Variants in PDE6A observed in about 807,000 individuals in gnomAD.
PDE6A encodes phosphodiesterase 6A, also known as rod cGMP-specific 3',5'-cyclic phosphodiesterase subunit alpha.
PDE6A carries 84 observed loss-of-function variants against 106.3 expected under a neutral mutation model. That is an observed-to-expected ratio of 0.79 (90% CI 0.66 to 0.95). PDE6A has a LOEUF of 0.95. Among genes scored for constraint, PDE6A ranks in the 40% least tolerant of loss-of-function variants. The pLI is 0.00. For synonymous variants in PDE6A, 394 were observed against 386.6 expected, an observed-to-expected ratio of 1.02 and a Z score of -0.23; for missense variants, 1,052 against 1,084.9, an observed-to-expected ratio of 0.97 and a Z score of 0.43.
intron 7 of PDE6A, among the ~76,000 whole-genome samples, chr5:149,906,783 T>A (rs370455964): frequency 3.7e-4 from 56 of 152,210 alleles, no homozygotes; most frequent in East Asian, 2.9e-3. Flanking sequence ...TATTATTATT[T>A]TTTTTTGAGA....
Position 149,884,577 on chromosome 5 carries a change from G to A in PDE6A, c.1929C>T (p.Ser643=). ...EFGKTLLRDE[S]LNIFQNLNRR... is the part of the protein sequence containing the mutation. ...GATTGAGGTTTTGAAAGATATTCAGGCTCTAAAGAAAAAAAGAGAAGCGAG... is the reference window on the plus strand; with the variant it reads ...GATTGAGGTTTTGAAAGATATTCAGACTCTAAAGAAAAAAAGAGAAGCGAG... The change falls in exon 16 of 22, where the codon AGC becomes AGT. Residue 643 remains serine, a splice_region_variant and synonymous_variant. Transcript: ENST00000255266. 6.2e-7 allele frequency: 1 copy of A among 1,612,224 alleles called. No individual in the cohort carries two copies. The highest frequency in any genetic ancestry group is 8.5e-7 in the Non-Finnish European group (1 of 1,178,388).
At chr5:149,877,760 T>G (rs910902402) in intron 17 of PDE6A, among the ~76,000 whole-genome samples, 1 of 152,202 alleles carries the variant, frequency 6.6e-6, no homozygotes, top group Non-Finnish European at 1.5e-5. Flanking sequence ...ACACCACCAG[T>G]ATGGTGGACT....
intron 17 of PDE6A, among the ~76,000 whole-genome samples, chr5:149,876,349 C>A (rs1307924262): frequency 2.5e-5 from 3 of 120,118 alleles, no homozygotes; most frequent in African/African-American, 6.2e-5. Flanking sequence ...CATTTTTCCT[C>A]TTTTTTTTTT....
intron 17 of PDE6A, among the ~76,000 whole-genome samples, chr5:149,882,087 T>A (rs953327907): frequency 7.5e-6 from 1 of 132,734 alleles, no homozygotes; most frequent in African/African-American, 2.5e-5. Flanking sequence ...AATAAATAAA[T>A]AAATAAAATG....
chr5:149,892,493 CT>C (rs56059807), intron 13 of PDE6A, among the ~76,000 whole-genome samples: 6,975 of 135,378 alleles, frequency 0.052, 478 homozygotes, highest in African/African-American at 0.17. Flanking sequence ...CTTTTCTTTC[CT>C]TTTTTTTTTT....
At chr5:149,912,102 C>G (rs1753406113) in intron 6 of PDE6A, among the ~76,000 whole-genome samples, 1 of 151,876 alleles carries the variant, frequency 6.6e-6, no homozygotes, top group Non-Finnish European at 1.5e-5. Flanking sequence ...TTCTTCTCTC[C>G]TTCTTTCTCC....
chr5:149,911,842 C>CAAAAAAAAAAAAA (rs11430549), intron 6 of PDE6A, among the ~76,000 whole-genome samples: 1 of 66,114 alleles, frequency 1.5e-5, no homozygotes, highest in Non-Finnish European at 2.8e-5. Flanking sequence ...TCTCTATTAC[C>CAAAAAAAAAAAAA]AAAAAAAAAA....
chr5:149,889,718 C>T (rs1055047094), intron 13 of PDE6A, among the ~76,000 whole-genome samples: 31 of 152,078 alleles, frequency 2.0e-4, no homozygotes, highest in Admixed American at 1.4e-3. Flanking sequence ...TCAGCCTCGG[C>T]AACATGGTGA....
chr5:149,905,774 G>A (rs1432749789), intron 7 of PDE6A, among the ~76,000 whole-genome samples: 2 of 152,184 alleles, frequency 1.3e-5, no homozygotes. Flanking sequence ...CCTCTTACTT[G>A]AATGATGCTC....
In PDE6A at chr5:149,891,306, C is replaced by T. The variant is rs113701007; in HGVS notation, c.1728+3877G>A. 1.2e-4 allele frequency among the ~76,000 whole-genome samples: 18 copies of T among 152,130 alleles called. 1 individual carries two copies. The highest frequency in any genetic ancestry group is 4.1e-4 in the African/African-American group (17 of 41,528). On this transcript the variant is annotated intron_variant, in intron 13 of 21. Transcript: ENST00000255266. ...CCAACATGATGAAACCCCGTCTCTA[C>T]AAAAAATACAAAAATTAGCCAGGGG...
intron 1 of PDE6A, among the ~76,000 whole-genome samples, chr5:149,938,363 G>A (rs1754239574): frequency 6.6e-6 from 1 of 152,180 alleles, no homozygotes; most frequent in Non-Finnish European, 1.5e-5. Context: ...ACAAATGTGA[G>A]AGGGTCTACA....
At chr5:149,862,637 A>G (rs1044992958) in intron 21 of PDE6A, among the ~76,000 whole-genome samples, 2 of 152,240 alleles carry the variant, frequency 1.3e-5, no homozygotes, top group Non-Finnish European at 1.5e-5. Context: ...GGGTGCCTGT[A>G]ATCCCAGCTA....
chr5:149,944,011 A>C (rs1754397512), intron 1 of PDE6A, among the ~76,000 whole-genome samples, 189 bp downstream of exon 1: 1 of 152,226 alleles, frequency 6.6e-6, no homozygotes, highest in Admixed American at 6.5e-5. Context: ...GTATTATTTC[A>C]AACTTTTCTG....
At chr5:149,915,565 C>G (rs1258505948) in intron 5 of PDE6A, among the ~76,000 whole-genome samples, 1 of 152,136 alleles carries the variant, frequency 6.6e-6, no homozygotes, top group African/African-American at 2.4e-5. Flanking sequence ...CAGAATTCAG[C>G]GTGCTTCACC....
At chr5:149,901,443 G>A (rs113165939) in intron 8 of PDE6A, among the ~76,000 whole-genome samples, 13 of 152,240 alleles carry the variant, frequency 8.5e-5, no homozygotes, top group African/African-American at 3.1e-4. Flanking sequence ...CAGCAGAATC[G>A]CTTGAACCCA....
intron 1 of PDE6A, among the ~76,000 whole-genome samples, chr5:149,941,911 CA>C (rs1392200589): frequency 6.6e-6 from 1 of 151,954 alleles, no homozygotes; most frequent in African/African-American, 2.4e-5. Flanking sequence ...CCTTTTCACC[CA>C]GCCGATTGGA....
intron 5 of PDE6A, among the ~76,000 whole-genome samples, 199 bp downstream of exon 5, chr5:149,921,436 T>C (rs551701923): frequency 2.6e-5 from 4 of 152,212 alleles, no homozygotes; most frequent in African/African-American, 9.6e-5. Context: ...GTTTTTTTTT[T>C]ACTTTTTTTC....
At chr5:149,907,626 G>A (rs1753241745) in intron 6 of PDE6A, among the ~76,000 whole-genome samples, 1 of 152,154 alleles carries the variant, frequency 6.6e-6, no homozygotes, top group Admixed American at 6.5e-5. Context: ...AAAAGAGACA[G>A]CATTCATTCT....
Position 149,944,705 on chromosome 5 carries a change from G to A in PDE6A, c.-32C>T. On this transcript the variant is annotated 5_prime_UTR_variant, in exon 1 of 22. Coordinates refer to ENST00000255266, the MANE Select transcript of PDE6A (RefSeq NM_000440.3). ...GAATCCCACTGGCTACTCTGTAGAA[G>A]GACTGGGACGGAGGCCTTCCAATGG... 1 of 1,553,962 alleles carries A rather than the reference G, an allele frequency of 6.4e-7. No individual in the cohort carries two copies. The highest frequency in any genetic ancestry group is 8.7e-7 in the Non-Finnish European group (1 of 1,142,992).
Sources: allele counts gnomAD v4.1 joint callset (sites outside exome capture counted in the v4.1 genomes callset), GRCh38; gene constraint gnomAD v4.1.1; transcripts MANE v1.5; gene names NCBI Gene and HGNC (gene_info 2026-07-23, HGNC 2026-07-21).